ARNT2: variants seen among roughly 807,000 people sequenced by gnomAD.
ARNT2 encodes the protein ARNT protein 2.
Under a neutral mutation model 91.7 loss-of-function variants are expected in ARNT2, and 36 were observed. That is an observed-to-expected ratio of 0.39 (90% CI 0.30 to 0.52). The LOEUF (loss-of-function observed/expected upper bound fraction) is 0.52, where lower values mean the gene tolerates loss of function less well. ARNT2 is among the 20% of genes least tolerant of loss of function. The pLI is 0.72. For missense variants in ARNT2, 775 were observed against 939.3 expected (o/e 0.83, Z 2.29); for synonymous variants, 365 against 347.1 (o/e 1.05, Z -0.57).
At chr15:80,531,076 C>T (rs1342594412) in intron 8 of ARNT2, among the ~76,000 whole-genome samples, 3 of 152,172 alleles carry the variant, frequency 2.0e-5, no homozygotes, top group East Asian at 3.9e-4. Context: ...GGATGCATGC[C>T]GTGAACAAGT....
At chr15:80,508,389 T>A (rs866365095) in intron 6 of ARNT2, 131 bp downstream of exon 6, 141 of 750,428 alleles carry the variant, frequency 1.9e-4, no homozygotes, top group Middle Eastern at 1.5e-3. Context: ...CTTCGTCTTC[T>A]TGACCTCAGC....
At chr15:80,425,654 T>A (rs1283096843) in intron 1 of ARNT2, among the ~76,000 whole-genome samples, 1 of 152,170 alleles carries the variant, frequency 6.6e-6, no homozygotes, top group Non-Finnish European at 1.5e-5. Context: ...GCCATGATGG[T>A]TTGCTGCACC....
At chr15:80,437,624 C>A (rs538412069) in intron 1 of ARNT2, among the ~76,000 whole-genome samples, 4 of 152,206 alleles carry the variant, frequency 2.6e-5, no homozygotes, top group Non-Finnish European at 5.9e-5. Flanking sequence ...CCTTTCATCA[C>A]CTCTGTCCCA....
chr15:80,581,520 G>A (rs1468703762), intron 17 of ARNT2, 116 bp downstream of exon 17: 2 of 1,367,248 alleles, frequency 1.5e-6, no homozygotes, highest in Admixed American at 1.9e-5. Context: ...AGGTCTGGAG[G>A]TTTCCAAGCA....
At chr15:80,477,331 G>A (rs774017792) in intron 5 of ARNT2, among the ~76,000 whole-genome samples, 1 of 152,204 alleles carries the variant, frequency 6.6e-6, no homozygotes, top group Non-Finnish European at 1.5e-5. Flanking sequence ...CTTTCTAGAT[G>A]TTGCCTTCTA....
At chr15:80,431,923 T>G (rs1482274689) in intron 1 of ARNT2, among the ~76,000 whole-genome samples, 3 of 152,170 alleles carry the variant, frequency 2.0e-5, no homozygotes, top group Non-Finnish European at 4.4e-5. Context: ...AGTAGCTCTC[T>G]GAAGCAACCG....
chr15:80,551,289 C>A lies in ARNT2; in HGVS notation c.954+14C>A, dbSNP rs748827610. The A allele has an allele frequency of 6.2e-7, 1 of 1,610,192 alleles. No individual in the cohort carries two copies. The highest frequency in any genetic ancestry group is 2.2e-5 in the East Asian group (1 of 44,876). ...GGGAGACTCCAGGTAAGAAAAAATT[C>A]GTAGCCTTTTTAATCTTAAATGAAG... On this transcript the variant is annotated intron_variant, in intron 9 of 18. Coordinates refer to ENST00000303329, the MANE Select transcript of ARNT2 (RefSeq NM_014862.4).
chr15:80,418,102 A>C (rs1376164306), intron 1 of ARNT2, among the ~76,000 whole-genome samples: 4 of 152,216 alleles, frequency 2.6e-5, no homozygotes, highest in Admixed American at 2.0e-4. Context: ...AACATGGCAC[A>C]GGGTTTGGGA....
intron 12 of ARNT2, among the ~76,000 whole-genome samples, chr15:80,569,708 C>G (rs575597414): frequency 3.7e-4 from 57 of 152,354 alleles, no homozygotes; most frequent in African/African-American, 1.2e-3. Context: ...AGGAACAGAA[C>G]TGAAAGCAAA....
At chr15:80,415,056 G>A (rs1205739262) in intron 1 of ARNT2, among the ~76,000 whole-genome samples, 1 of 152,174 alleles carries the variant, frequency 6.6e-6, no homozygotes, top group African/African-American at 2.4e-5. Flanking sequence ...TTTCCTGCAG[G>A]CAAGGAAAGA....
chr15:80,519,583 A>G (rs139944892), intron 8 of ARNT2, among the ~76,000 whole-genome samples: 106 of 152,208 alleles, frequency 7.0e-4, no homozygotes, highest in Non-Finnish European at 1.1e-3. Context: ...ATAAGCTGTC[A>G]ATTTTCATTG....
chr15:80,409,259 A>C (rs2141551751), intron 1 of ARNT2, among the ~76,000 whole-genome samples: 1 of 152,352 alleles, frequency 6.6e-6, no homozygotes, highest in South Asian at 2.1e-4. Context: ...AATTCTTGGC[A>C]TCCACTGATG....
At chr15:80,586,701 A>T (rs1036659967) in intron 17 of ARNT2, among the ~76,000 whole-genome samples, 2 of 152,082 alleles carry the variant, frequency 1.3e-5, no homozygotes, top group Non-Finnish European at 2.9e-5. Flanking sequence ...CGTTGTCTCT[A>T]CTAAAAATAC....
chr15:80,493,063 C>G (rs921346577), intron 5 of ARNT2, among the ~76,000 whole-genome samples: 3 of 152,240 alleles, frequency 2.0e-5, no homozygotes, highest in Admixed American at 1.3e-4. Context: ...GTTCTGACAT[C>G]TGGCAGGGGC....
chr15:80,458,677 T>A (rs1896512767), intron 3 of ARNT2, among the ~76,000 whole-genome samples: 1 of 152,076 alleles, frequency 6.6e-6, no homozygotes, highest in Non-Finnish European at 1.5e-5. Context: ...TTTTTTTTTT[T>A]TCCATTTTGT....
chr15:80,581,970 C>A (rs918596035), intron 17 of ARNT2, among the ~76,000 whole-genome samples: 4 of 152,200 alleles, frequency 2.6e-5, no homozygotes, highest in Admixed American at 1.3e-4. Context: ...GGGTTCCACT[C>A]CACGTCAGGA....
chr15:80,528,348 T>A (rs1054027152), intron 8 of ARNT2, among the ~76,000 whole-genome samples: 5 of 151,996 alleles, frequency 3.3e-5, no homozygotes, highest in African/African-American at 1.2e-4. Context: ...AGAATTTAGA[T>A]TTTAGATATT....
At chr15:80,426,614 G>C (rs1328732700) in intron 1 of ARNT2, among the ~76,000 whole-genome samples, 2 of 152,300 alleles carry the variant, frequency 1.3e-5, no homozygotes, top group East Asian at 3.9e-4. Context: ...TCCTCTCTTG[G>C]AGTCCATGAA....
At chr15:80,548,596 T>A (rs1898028947) in intron 8 of ARNT2, among the ~76,000 whole-genome samples, 1 of 152,056 alleles carries the variant, frequency 6.6e-6, no homozygotes, top group Non-Finnish European at 1.5e-5. Context: ...TCAATAGCCT[T>A]CATATACATA....
Sources: allele counts gnomAD v4.1 joint callset (sites outside exome capture counted in the v4.1 genomes callset), GRCh38; gene constraint gnomAD v4.1.1; transcripts MANE v1.5; gene names NCBI Gene and HGNC (gene_info 2026-07-23, HGNC 2026-07-21).